Variants in NSL1 observed in about 807,000 individuals in gnomAD.
NSL1 encodes the protein NSL1 component of MIS12 kinetochore complex, also known as kinetochore-associated protein NSL1 homolog.
In NSL1, 11 loss-of-function variants were observed where a neutral mutation model predicts 25.4. That is an observed-to-expected ratio of 0.43 (90% CI 0.27 to 0.72). The LOEUF (loss-of-function observed/expected upper bound fraction) is 0.72. Ranked by LOEUF, NSL1 falls within the 30% of genes least tolerant of loss-of-function variation. The pLI is 0.19. For synonymous variants in NSL1, 118 were observed against 120.6 expected, an observed-to-expected ratio of 0.98 and a Z score of 0.14; for missense variants, 330 against 342.7, an observed-to-expected ratio of 0.96 and a Z score of 0.29.
chr1:212,730,671 T>C lies in NSL1; in HGVS notation c.*7737A>G. On this transcript the variant is annotated 3_prime_UTR_variant, in exon 6 of 6. Coordinates refer to ENST00000366977, the MANE Select transcript of NSL1 (RefSeq NM_015471.4). ...AACTATACCTGCTAGCACAGTGATG[T>C]CACTGAGGGATGTCAATGCCATCCT... 1.0e-6 allele frequency: 1 copy of C among 985,362 alleles called. No homozygotes were observed. The highest frequency in any genetic ancestry group is 1.2e-6 in the Non-Finnish European group (1 of 829,904). 61.0% of individuals were successfully genotyped at this position (985,362 alleles called of 1,614,324 possible). A position where few individuals can be genotyped will look rare whatever the true frequency, so the allele number is the denominator to read the frequency against.
intron 4 of NSL1, among the ~76,000 whole-genome samples, chr1:212,756,781 C>T (rs1234325717): frequency 6.6e-6 from 1 of 152,036 alleles, no homozygotes; most frequent in Non-Finnish European, 1.5e-5. Flanking sequence ...GAGCGTGCCA[C>T]TGCATTCCAG....
Position 212,736,972 on chromosome 1 carries a change from G to C in NSL1, c.*1436C>G, listed in dbSNP as rs1658255505. ...TCTTTTGTTTGGGGACCTCTGAAGT[G>C]AAACAAATCATACAGAATTTTAATA... On this transcript the variant is annotated 3_prime_UTR_variant, in exon 6 of 6. Coordinates refer to ENST00000366977, the MANE Select transcript of NSL1 (RefSeq NM_015471.4). 1.0e-6 allele frequency: 1 copy of C among 984,266 alleles called. No homozygotes were observed. Among genetic ancestry groups the C allele is most frequent in the Non-Finnish European group, 1.2e-6 (1 of 829,016 alleles). 61.0% of individuals were successfully genotyped at this position (984,266 alleles called of 1,614,324 possible). A position where few individuals can be genotyped will look rare whatever the true frequency, so the allele number is the denominator to read the frequency against.
chr1:212,749,947 C>A (rs1188362777), intron 4 of NSL1, among the ~76,000 whole-genome samples: 1 of 144,694 alleles, frequency 6.9e-6, no homozygotes, highest in African/African-American at 2.6e-5. Flanking sequence ...TGGCCCCTGA[C>A]TACAAAGTGC....
intron 4 of NSL1, among the ~76,000 whole-genome samples, chr1:212,762,210 A>G (rs1659603320): frequency 6.6e-6 from 1 of 151,060 alleles, no homozygotes; most frequent in Non-Finnish European, 1.5e-5. Context: ...AGGCAGGAGA[A>G]TCACTTGAAC....
chr1:212,772,892 G>C (rs1233905563), intron 4 of NSL1, among the ~76,000 whole-genome samples: 1 of 152,078 alleles, frequency 6.6e-6, no homozygotes, highest in Non-Finnish European at 1.5e-5. Context: ...TGGAAATCTA[G>C]GTATTTATAG....
At position 212,732,821 on chromosome 1, in the gene NSL1, T is replaced by C; in HGVS notation, c.*5587A>G. On this transcript the variant is annotated 3_prime_UTR_variant, in exon 6 of 6. Coordinates refer to ENST00000366977, the MANE Select transcript of NSL1 (RefSeq NM_015471.4). ...CGCTTTGCATATCTGAGATATCTTTTAGCTAATCATGCACTTGATTATTAG... is the reference window on the plus strand; with the variant it reads ...CGCTTTGCATATCTGAGATATCTTTCAGCTAATCATGCACTTGATTATTAG... 1 of 158,256 alleles carries C rather than the reference T, an allele frequency of 6.3e-6. No homozygotes were observed. The highest frequency in any genetic ancestry group is 1.4e-5 in the Non-Finnish European group (1 of 73,488). 9.8% of individuals were successfully genotyped at this position (158,256 alleles called of 1,614,324 possible).
At chr1:212,779,815 C>G (rs1478439713) in intron 4 of NSL1, among the ~76,000 whole-genome samples, 1 of 142,688 alleles carries the variant, frequency 7.0e-6, no homozygotes. Context: ...CCAGCCGCCC[C>G]GTCCGGGAGG....
intron 4 of NSL1, among the ~76,000 whole-genome samples, chr1:212,750,924 G>A (rs1169720204): frequency 6.6e-6 from 1 of 152,088 alleles, no homozygotes; most frequent in Non-Finnish European, 1.5e-5. Context: ...CAGAGTCACA[G>A]AGCAAGACTG....
At chr1:212,741,895 G>A (rs568475175) in intron 4 of NSL1, among the ~76,000 whole-genome samples, 1 of 151,990 alleles carries the variant, frequency 6.6e-6, no homozygotes, top group Admixed American at 6.6e-5. Flanking sequence ...CCATGATCTC[G>A]GTTAACACAT....
intron 4 of NSL1, among the ~76,000 whole-genome samples, chr1:212,743,240 T>C (rs1658588660): frequency 6.6e-6 from 1 of 151,954 alleles, no homozygotes; most frequent in Admixed American, 6.6e-5. Flanking sequence ...TCTCAGCTCA[T>C]TGCAACCTCT....
At chr1:212,774,066 G>T (rs1315924424) in intron 4 of NSL1, among the ~76,000 whole-genome samples, 1 of 152,120 alleles carries the variant, frequency 6.6e-6, no homozygotes, top group Non-Finnish European at 1.5e-5. Flanking sequence ...GCGGGGAAGG[G>T]AGTATGGAGA....
intron 4 of NSL1, among the ~76,000 whole-genome samples, chr1:212,748,756 G>C (rs964318064): frequency 3.3e-5 from 5 of 152,168 alleles, no homozygotes; most frequent in Non-Finnish European, 4.4e-5. Context: ...ATGTTATACA[G>C]GGTATCCATA....
In NSL1 at chr1:212,736,895, T is replaced by A. The variant is rs1571860720; in HGVS notation, c.*1513A>T. 7.1e-6 allele frequency: 7 copies of A among 984,882 alleles called. No individual in the cohort carries two copies. The highest frequency in any genetic ancestry group is 5.2e-5 in the African/African-American group (3 of 57,360). The allele number at this position is 984,882 out of a possible 1,614,324, so 61.0% of individuals were successfully genotyped here. A position where few individuals can be genotyped will look rare whatever the true frequency, so the allele number is the denominator to read the frequency against. ...TCTTAAAAGGGAGGGACCATGTTCTTATATAATCAAAATGCAAGTAGCTTA... is the reference window on the plus strand; with the variant it reads ...TCTTAAAAGGGAGGGACCATGTTCTAATATAATCAAAATGCAAGTAGCTTA... On this transcript the variant is annotated 3_prime_UTR_variant, in exon 6 of 6. Coordinates refer to ENST00000366977, the MANE Select transcript of NSL1 (RefSeq NM_015471.4).
Position 212,735,165 on chromosome 1 carries a change from A to G in NSL1, c.*3243T>C, listed in dbSNP as rs1239354585. 1 of 335,010 alleles carries G rather than the reference A, an allele frequency of 3.0e-6. No individual in the cohort carries two copies. Among genetic ancestry groups the G allele is most frequent in the Non-Finnish European group, 4.2e-6 (1 of 235,612 alleles). 20.8% of individuals were successfully genotyped at this position (335,010 alleles called of 1,614,324 possible). A position where few individuals can be genotyped will look rare whatever the true frequency, so the allele number is the denominator to read the frequency against. ...ACCCAGATGATCTGGCTCAGAGACT[A>G]TGCTCTTTAAGATCTCTGACTTTTG... On this transcript the variant is annotated 3_prime_UTR_variant, in exon 6 of 6. Coordinates refer to ENST00000366977, the MANE Select transcript of NSL1 (RefSeq NM_015471.4).
chr1:212,783,015 A>G (rs1319145592), intron 3 of NSL1, among the ~76,000 whole-genome samples: 1 of 152,166 alleles, frequency 6.6e-6, no homozygotes, highest in African/African-American at 2.4e-5. Context: ...AAGAAGAAAA[A>G]AAGGTCTTCA....
intron 2 of NSL1, among the ~76,000 whole-genome samples, chr1:212,786,738 G>T (rs1571925543): frequency 6.6e-6 from 1 of 152,038 alleles, no homozygotes. Context: ...AACCTAGGAG[G>T]TGGAGGTTGC....
chr1:212,770,488 AC>A (rs1416810777), intron 4 of NSL1, among the ~76,000 whole-genome samples: 22 of 151,732 alleles, frequency 1.4e-4, no homozygotes, highest in Middle Eastern at 6.8e-3. Flanking sequence ...AAACAAACAA[AC>A]AAACAAAAAA....
At position 212,754,905 on chromosome 1, in the gene NSL1, G is replaced by A. The variant is rs560389067; in HGVS notation, c.500-15304C>T. On this transcript the variant is annotated intron_variant, in intron 4 of 5. Transcript: ENST00000366977. The stretch of plus-strand genomic sequence containing the variant: ...AAGCCTGGGCCTGGACCAATCTCCA[G>A]TGTCACACTGGGACAGAGGCCCTCT... Among the ~76,000 whole-genome samples, 5 of 152,282 alleles carry A rather than the reference G, an allele frequency of 3.3e-5. No individual in the cohort carries two copies. In the South Asian group the frequency reaches 1.0e-3, roughly 32 times the overall value.
chr1:212,752,632 A>T (rs1659117763), intron 4 of NSL1, among the ~76,000 whole-genome samples: 1 of 152,208 alleles, frequency 6.6e-6, no homozygotes, highest in African/African-American at 2.4e-5. Context: ...GTCAAATGAG[A>T]CCACATCTTA....
Sources: allele counts gnomAD v4.1 joint callset (sites outside exome capture counted in the v4.1 genomes callset), GRCh38; gene constraint gnomAD v4.1.1; transcripts MANE v1.5; gene names NCBI Gene and HGNC (gene_info 2026-07-23, HGNC 2026-07-21).